Variants in DIP2C observed in about 807,000 individuals in gnomAD.
The protein encoded by DIP2C is disco-interacting protein 2 homolog C.
DIP2C carries 33 observed loss-of-function variants against 192.4 expected under a neutral mutation model. That is an observed-to-expected ratio of 0.17 (90% CI 0.13 to 0.23). The LOEUF (loss-of-function observed/expected upper bound fraction) is 0.23, where lower values mean the gene tolerates loss of function less well. DIP2C is among the 10% of genes least tolerant of loss of function. DIP2C has a pLI of 1.00. For missense variants in DIP2C, 1,537 were observed against 2,110.1 expected, an observed-to-expected ratio of 0.73 and a Z score of 5.32; for synonymous variants, 979 against 864.1, an observed-to-expected ratio of 1.13 and a Z score of -2.33.
rs1300481166 is a variant in DIP2C at position 276,486 on chromosome 10, C to T, written c.*839G>A. On this transcript the variant is annotated 3_prime_UTR_variant, in exon 37 of 37. Transcript: ENST00000280886. ...TATATATATTTGTTGTGATACTATC[C>T]ACGCAAGATAATACAACACTTTTTT... 6.6e-6 allele frequency: 1 copy of T among 152,528 alleles called. No individual in the cohort carries two copies. The highest frequency in any genetic ancestry group is 2.4e-5 in the African/African-American group (1 of 41,402). 9.4% of individuals were successfully genotyped at this position (152,528 alleles called of 1,614,324 possible).
At chr10:377,399 T>C (rs1267374669) in intron 17 of DIP2C, among the ~76,000 whole-genome samples, 1 of 152,176 alleles carries the variant, frequency 6.6e-6, no homozygotes, top group East Asian at 1.9e-4. Flanking sequence ...CAGAACACAC[T>C]GTAAAACGCA....
intron 1 of DIP2C, among the ~76,000 whole-genome samples, chr10:550,776 T>C (rs1297289503): frequency 6.6e-6 from 1 of 152,128 alleles, no homozygotes; most frequent in African/African-American, 2.4e-5. Flanking sequence ...AGAGTTGCAA[T>C]AAACAAGCAT....
At chr10:575,964 C>G (rs1305314049) in intron 1 of DIP2C, among the ~76,000 whole-genome samples, 2 of 152,232 alleles carry the variant, frequency 1.3e-5, no homozygotes, top group Non-Finnish European at 2.9e-5. Flanking sequence ...CATCCCCCAC[C>G]TCCTTGCAGA....
intron 1 of DIP2C, among the ~76,000 whole-genome samples, chr10:515,391 A>T (rs529892499): frequency 4.6e-5 from 7 of 152,304 alleles, no homozygotes; most frequent in Non-Finnish European, 7.4e-5. Flanking sequence ...ATTTTCAAAC[A>T]TAGACTGGCT....
intron 34 of DIP2C, among the ~76,000 whole-genome samples, chr10:285,606 C>T (rs1346220465): frequency 1.3e-5 from 2 of 152,210 alleles, no homozygotes; most frequent in South Asian, 2.1e-4. Flanking sequence ...GGAAGGAGGA[C>T]GCATGAGACA....
chr10:397,524 T>C (rs1441521859), intron 10 of DIP2C, among the ~76,000 whole-genome samples: 1 of 90,834 alleles, frequency 1.1e-5, no homozygotes, highest in Admixed American at 1.0e-4. Flanking sequence ...AGCGACTCCA[T>C]CTCAAAAAAA....
chr10:670,779 T>C (rs1385717150), intron 1 of DIP2C, among the ~76,000 whole-genome samples: 1 of 152,170 alleles, frequency 6.6e-6, no homozygotes, highest in Non-Finnish European at 1.5e-5. Flanking sequence ...AAATCACAGC[T>C]GTGAAAATGA....
rs816609 is a variant in DIP2C, at chr10:622,053, T to A, written c.85+67441A>T. ...TACACAAAATCACAGGACTGAGCAT[T>A]GAGCATTGTTTCCCTTTGTGTCCTC... On this transcript the variant is annotated intron_variant, in intron 1 of 36. Transcript: ENST00000280886. 2.0e-5 allele frequency among the ~76,000 whole-genome samples: 3 copies of A among 151,002 alleles called. No homozygotes were observed. In the East Asian group the frequency reaches 5.9e-4, roughly 30 times the overall value.
At chr10:365,133 A>T in intron 19 of DIP2C, 1 of 422,472 alleles carries the variant, frequency 2.4e-6, no homozygotes, top group East Asian at 6.9e-5. Flanking sequence ...TTTTATTTAG[A>T]TTTGTATCCA....
At chr10:411,727 T>C (rs950192269) in intron 8 of DIP2C, among the ~76,000 whole-genome samples, 1 of 152,202 alleles carries the variant, frequency 6.6e-6, no homozygotes, top group African/African-American at 2.4e-5. Flanking sequence ...TCTCATTCGA[T>C]ACCAAATCAC....
rs545620015 is a variant in DIP2C, at chr10:545,447, C to T, written c.86-58917G>A. 1.9e-4 allele frequency among the ~76,000 whole-genome samples: 29 copies of T among 152,206 alleles called. No homozygotes were observed. The South Asian group carries it at 4.4e-3, about 23-fold the overall frequency. On this transcript the variant is annotated intron_variant, in intron 1 of 36. Coordinates refer to ENST00000280886, the MANE Select transcript of DIP2C (RefSeq NM_014974.3). ...CTGGGATTACAGGTGTGAGCCACCA[C>T]GCCCAGCCATGACTGGTGTTCTTAT... is the stretch of plus-strand genomic sequence containing the variant.
At position 526,141 on chromosome 10, in the gene DIP2C, A is replaced by G. The variant is rs146130042; in HGVS notation, c.86-39611T>C. Among the ~76,000 whole-genome samples, 1,335 of 152,322 alleles carry G rather than the reference A, an allele frequency of 8.8e-3. 39 individuals carry two copies. Among genetic ancestry groups the G allele is most frequent in the Admixed American group, 0.057 (867 of 15,304 alleles). ...ACAAAGGAAAGCGTCCACCTGAAAC[A>G]GGACCGACCGGGGCTCACATCAGCA... On this transcript the variant is annotated intron_variant, in intron 1 of 36. Transcript: ENST00000280886.
intron 29 of DIP2C, among the ~76,000 whole-genome samples, chr10:339,225 C>A (rs1958026196): frequency 6.6e-6 from 1 of 151,826 alleles, no homozygotes; most frequent in Admixed American, 6.6e-5. Context: ...GATCTAGGAC[C>A]CAAGTGCTTT....
At chr10:634,567 A>G (rs1361638387) in intron 1 of DIP2C, among the ~76,000 whole-genome samples, 1 of 152,154 alleles carries the variant, frequency 6.6e-6, no homozygotes, top group Non-Finnish European at 1.5e-5. Flanking sequence ...AACGTCCTTA[A>G]GAGTGAAACC....
intron 4 of DIP2C, among the ~76,000 whole-genome samples, chr10:427,723 A>G (rs1260921703): frequency 6.6e-6 from 1 of 152,254 alleles, no homozygotes; most frequent in Non-Finnish European, 1.5e-5. Flanking sequence ...ACCATTTCAC[A>G]TCAATTAGAA....
At chr10:435,206 G>A (rs1967079592) in intron 4 of DIP2C, among the ~76,000 whole-genome samples, 1 of 152,160 alleles carries the variant, frequency 6.6e-6, no homozygotes, top group African/African-American at 2.4e-5. Flanking sequence ...AGTTCTGGAG[G>A]TTGGAGTTGG....
At chr10:311,694 G>T in intron 31 of DIP2C, 1 of 689,942 alleles carries the variant, frequency 1.4e-6, no homozygotes. Context: ...AGGGAGGGGT[G>T]GGGAGGAGAA....
At chr10:284,358 C>T (rs371295270) in intron 34 of DIP2C, among the ~76,000 whole-genome samples, 1 of 152,132 alleles carries the variant, frequency 6.6e-6, no homozygotes, top group Non-Finnish European at 1.5e-5. Context: ...AAATGACAGC[C>T]GTCCTCTGTT....
At chr10:511,289 AGGG>A (rs1845996620) in intron 1 of DIP2C, among the ~76,000 whole-genome samples, 4 of 152,202 alleles carry the variant, frequency 2.6e-5, no homozygotes. Flanking sequence ...GCTTCCTCCA[AGGG>A]GAAGCGGCCT....
Sources: gnomAD v4.1 joint callset for allele counts (sites outside exome capture counted in the v4.1 genomes callset) on GRCh38, gnomAD v4.1.1 for gene constraint, MANE v1.5 for transcripts, NCBI Gene and HGNC (gene_info 2026-07-23, HGNC 2026-07-21) for gene names.